HAPLN2: variants seen among roughly 807,000 people sequenced by gnomAD.
HAPLN2 encodes the protein brain link protein-1.
In HAPLN2, 27 loss-of-function variants were observed where a neutral mutation model predicts 29.3. That is an observed-to-expected ratio of 0.92 (90% CI 0.68 to 1.27). The LOEUF is 1.27. HAPLN2 is among the 50% of genes most tolerant of loss of function. The pLI is 0.00. For synonymous variants in HAPLN2, 208 were observed against 211.7 expected (o/e 0.98, Z 0.15); for missense variants, 454 against 484.3 (o/e 0.94, Z 0.59).
rs750965449 is a variant in HAPLN2 at position 156,625,327 on chromosome 1, C to T, written c.966C>T (p.Phe322=). Residue 322 remains phenylalanine (F), a synonymous_variant, in exon 7 of 7, where the codon TTC becomes TTT. Coordinates refer to ENST00000255039, the MANE Select transcript of HAPLN2 (RefSeq NM_021817.3). This position sits in a 1 kb window ranked among gnomAD's most constrained non-coding sequence, Gnocchi z 5.7. The part of the protein sequence containing the change: ...GGLPDPGVRS[F]GFPRPQQAAY... ...TCCCGGATCCCGGAGTGCGCAGTTT[C>T]GGCTTCCCCAGGCCCCAACAGGCAG... 2 of 1,595,394 alleles carry T rather than the reference C, an allele frequency of 1.3e-6. No individual in the cohort carries two copies. Among genetic ancestry groups the T allele is most frequent in the African/African-American group, 2.7e-5 (2 of 74,360 alleles).
At chr1:156,621,102 ATT>A (rs10653107) in intron 2 of HAPLN2, among the ~76,000 whole-genome samples, 7 of 126,072 alleles carry the variant, frequency 5.6e-5, no homozygotes, top group African/African-American at 5.9e-5. Flanking sequence ...AGAAGTCTTC[ATT>A]TTTTTTTTTT....
At chr1:156,617,900 C>T (rs909029173), upstream of HAPLN2, among the ~76,000 whole-genome samples, 2 of 152,028 alleles carry the variant, frequency 1.3e-5, no homozygotes, top group Non-Finnish European at 2.9e-5. Flanking sequence ...GGGTTTTTAC[C>T]TGTGTACAAT....
chr1:156,622,217 A>C (rs888300359), intron 2 of HAPLN2, among the ~76,000 whole-genome samples: 3 of 151,600 alleles, frequency 2.0e-5, no homozygotes, highest in East Asian at 2.0e-4. Flanking sequence ...TGGGAGGCCA[A>C]GACAGATTAC....
upstream of HAPLN2, chr1:156,615,402 G>T (rs1464743954): frequency 1.3e-5 from 2 of 152,120 alleles, no homozygotes; most frequent in Non-Finnish European, 2.9e-5. Context: ...CTGGAGAAAT[G>T]CTGGAAAGCC....
intron 3 of HAPLN2, 48 bp from the exon 4 acceptor site, chr1:156,623,759 G>C (rs763247269): frequency 1.4e-5 from 20 of 1,470,214 alleles, no homozygotes; most frequent in Non-Finnish European, 1.7e-5. Context: ...TGGGCACTTG[G>C]GGCAGTGAGG....
chr1:156,623,037 A>AAAAAAAAT lies in HAPLN2; in HGVS notation c.-24-427_-24-426insAAAATAAA, dbSNP rs551908025. ...CCATGGAGCAACACTCTGTCTCAAA[A>AAAAAAAAT]AAATAAATAAATAAATAAATAAATA... On this transcript the variant is annotated intron_variant, in intron 2 of 6. Transcript: ENST00000255039. Among the ~76,000 whole-genome samples, 234 of 111,424 alleles carry AAAAAAAAT rather than the reference A, an allele frequency of 2.1e-3. 11 individuals carry two copies. The highest frequency in any genetic ancestry group is 4.6e-3 in the Admixed American group (45 of 9,692). The allele number at this position is 111,424 out of a possible 152,430, so 73.1% of individuals were successfully genotyped here. A position where few individuals can be genotyped will look rare whatever the true frequency, so the allele number is the denominator to read the frequency against.
chr1:156,615,755 A>G (rs1209782780), upstream of HAPLN2, among the ~76,000 whole-genome samples: 1 of 151,882 alleles, frequency 6.6e-6, no homozygotes, highest in Non-Finnish European at 1.5e-5. Context: ...TATTTTTAGT[A>G]GAGATGGGGT....
the HAPLN2 span, among the ~76,000 whole-genome samples, chr1:156,606,489 CT>C: frequency 5.2e-3 from 709 of 136,310 alleles, 2 homozygotes; most frequent in African/African-American, 0.014. Context: ...AAGCCCTCCA[CT>C]TTTTTTTTTT....
upstream of HAPLN2, among the ~76,000 whole-genome samples, chr1:156,617,789 T>C (rs1678097664): frequency 1.3e-5 from 2 of 152,024 alleles, no homozygotes; most frequent in Non-Finnish European, 2.9e-5. Context: ...CATGGCTGTT[T>C]ACAGGGGCAG....
chr1:156,610,574 A>G, the HAPLN2 span, among the ~76,000 whole-genome samples: 2 of 151,788 alleles, frequency 1.3e-5, no homozygotes, highest in East Asian at 3.9e-4. Context: ...AGGAAGGCGG[A>G]GGTTGCAGTG....
upstream of HAPLN2, among the ~76,000 whole-genome samples, chr1:156,616,805 G>A (rs1045911995): frequency 7.2e-5 from 11 of 152,128 alleles, no homozygotes; most frequent in Admixed American, 1.3e-4. Context: ...GAGTATAGTC[G>A]GCCGGGTGCA....
At chr1:156,618,532 C>T (rs1678119392), upstream of HAPLN2, among the ~76,000 whole-genome samples, 1 of 151,912 alleles carries the variant, frequency 6.6e-6, no homozygotes, top group African/African-American at 2.4e-5. Context: ...GTAATCCCAG[C>T]ACTTTGGGAG....
intron 2 of HAPLN2, among the ~76,000 whole-genome samples, chr1:156,621,820 T>C (rs1678236661): frequency 1.3e-5 from 2 of 151,828 alleles, no homozygotes; most frequent in South Asian, 4.2e-4. Flanking sequence ...GAGCATTGCT[T>C]GAGCCCAGGA....
At chr1:156,618,849 C>T (rs377456303), upstream of HAPLN2, among the ~76,000 whole-genome samples, 4 of 151,614 alleles carry the variant, frequency 2.6e-5, no homozygotes, top group East Asian at 7.7e-4. Flanking sequence ...TTAAGGATCC[C>T]CTTCTGAGTA....
chr1:156,613,806 A>G, the HAPLN2 span, among the ~76,000 whole-genome samples: 2 of 151,806 alleles, frequency 1.3e-5, no homozygotes, highest in Non-Finnish European at 2.9e-5. Flanking sequence ...AACCCTAGCT[A>G]CTTGGGAGGC....
chr1:156,614,228 C>CTTT, the HAPLN2 span, among the ~76,000 whole-genome samples: 1 of 143,658 alleles, frequency 7.0e-6, no homozygotes, highest in Non-Finnish European at 1.5e-5. Flanking sequence ...TTGGGGTTCA[C>CTTT]TTTTTTTTTT....
At chr1:156,619,740 C>T (rs1678160726) in intron 1 of HAPLN2, among the ~76,000 whole-genome samples, 1 of 152,150 alleles carries the variant, frequency 6.6e-6, no homozygotes, top group Non-Finnish European at 1.5e-5. Context: ...AAATGAAGCA[C>T]CTCACTTTCT....
chr1:156,610,421 T>C, the HAPLN2 span, among the ~76,000 whole-genome samples: 5 of 152,124 alleles, frequency 3.3e-5, no homozygotes, highest in East Asian at 7.7e-4. Flanking sequence ...ACGGATCACC[T>C]GAGGCCAGGA....
At chr1:156,623,435 C>T (rs1239600302) in intron 2 of HAPLN2, 32 bp from the exon 3 acceptor site, 2 of 1,588,228 alleles carry the variant, frequency 1.3e-6, no homozygotes, top group Non-Finnish European at 1.7e-6. Context: ...TTGCCCCAGT[C>T]CTAAGAACTG....
Sources: allele counts gnomAD v4.1 joint callset (sites outside exome capture counted in the v4.1 genomes callset), GRCh38; gene constraint gnomAD v4.1.1; non-coding constraint Gnocchi (gnomAD v3.1); transcripts MANE v1.5; gene names NCBI Gene and HGNC (gene_info 2026-07-23, HGNC 2026-07-21).